CSMD1: variants seen among roughly 807,000 people sequenced by gnomAD.
CSMD1 encodes the protein CUB and Sushi multiple domains 1.
CSMD1 carries 213 observed loss-of-function variants against 417.5 expected under a neutral mutation model. The ratio of observed to expected loss-of-function variants is 0.51; its 90% CI spans 0.46 to 0.57. The LOEUF (loss-of-function observed/expected upper bound fraction) is 0.57, where lower values mean the gene tolerates loss of function less well. Ranked by LOEUF, CSMD1 falls within the 20% of genes least tolerant of loss-of-function variation. The pLI is 0.00. For missense variants in CSMD1, 6,923 were observed against 4,529.7 expected, an observed-to-expected ratio of 1.53 and a Z score of -15.17; for synonymous variants, 2,862 against 1,736.8, an observed-to-expected ratio of 1.65 and a Z score of -16.11.
At chr8:4,623,579 G>A (rs1801903076) in intron 2 of CSMD1, among the ~76,000 whole-genome samples, 2 of 151,836 alleles carry the variant, frequency 1.3e-5, no homozygotes, top group Non-Finnish European at 1.5e-5. Flanking sequence ...GGGTGAGGGG[G>A]GAACAAATGT....
chr8:3,941,655 C>A (rs79223048), intron 5 of CSMD1, among the ~76,000 whole-genome samples: 9,104 of 152,176 alleles, frequency 0.06, 328 homozygotes, highest in South Asian at 0.099. Flanking sequence ...TCTTTTTCAA[C>A]TGCAAGCCCA....
intron 3 of CSMD1, among the ~76,000 whole-genome samples, chr8:4,054,266 G>T (rs1476696238): frequency 1.6e-5 from 2 of 122,856 alleles, no homozygotes; most frequent in African/African-American, 6.2e-5. Flanking sequence ...GAGTTAAGAG[G>T]TGACGGGGAA....
intron 3 of CSMD1, among the ~76,000 whole-genome samples, chr8:4,279,909 C>T (rs1259454128): frequency 6.6e-6 from 1 of 152,136 alleles, no homozygotes; most frequent in Admixed American, 6.5e-5. Flanking sequence ...GTGTTCTATA[C>T]ATTTTTTATT....
At chr8:4,941,720 T>G (rs563912437) in intron 1 of CSMD1, among the ~76,000 whole-genome samples, 1 of 152,092 alleles carries the variant, frequency 6.6e-6, no homozygotes, top group East Asian at 1.9e-4. Flanking sequence ...CGCCTCAACC[T>G]CCTGAGTAGT....
At chr8:3,299,399 C>A (rs185109738) in intron 25 of CSMD1, among the ~76,000 whole-genome samples, 1 of 152,050 alleles carries the variant, frequency 6.6e-6, no homozygotes, top group Non-Finnish European at 1.5e-5. Flanking sequence ...TTGCAGTGAG[C>A]CAAGATCACG....
At chr8:4,440,756 G>A (rs1214944663) in intron 2 of CSMD1, among the ~76,000 whole-genome samples, 1 of 152,184 alleles carries the variant, frequency 6.6e-6, no homozygotes, top group East Asian at 1.9e-4. Context: ...AGCATTTTGG[G>A]AGGCCAGTGC....
intron 4 of CSMD1, among the ~76,000 whole-genome samples, chr8:4,024,459 T>A (rs770924796): frequency 2.0e-5 from 3 of 152,172 alleles, no homozygotes; most frequent in African/African-American, 7.2e-5. Context: ...TGATCTTCAA[T>A]GTTAGTAAAG....
chr8:3,998,172 G>A (rs948406530), intron 4 of CSMD1, 62 bp from the exon 5 acceptor site: 26 of 1,396,872 alleles, frequency 1.9e-5, no homozygotes, highest in African/African-American at 1.6e-4. Context: ...ACACGAGTGT[G>A]TCCACCAAGT....
At chr8:4,420,633 G>A (rs968724876) in intron 2 of CSMD1, among the ~76,000 whole-genome samples, 2 of 152,090 alleles carry the variant, frequency 1.3e-5, no homozygotes, top group African/African-American at 4.8e-5. Flanking sequence ...TGAGTTGGTC[G>A]TGAAACAATC....
At chr8:4,373,924 C>G (rs138278463) in intron 3 of CSMD1, among the ~76,000 whole-genome samples, 121 of 152,310 alleles carry the variant, frequency 7.9e-4, no homozygotes, top group African/African-American at 2.7e-3. Context: ...TCCCCTTTCT[C>G]TCTATACCTA....
chr8:3,488,807 A>C (rs1451076558), intron 11 of CSMD1, among the ~76,000 whole-genome samples: 1 of 152,214 alleles, frequency 6.6e-6, no homozygotes, highest in Non-Finnish European at 1.5e-5. Context: ...ATTCAGGCTC[A>C]AAGGCAGTGC....
chr8:4,492,212 C>A (rs1052874918), intron 2 of CSMD1, among the ~76,000 whole-genome samples: 5 of 152,176 alleles, frequency 3.3e-5, no homozygotes, highest in Admixed American at 2.6e-4. Context: ...ACCTCAGCCT[C>A]CTGAGCAGCT....
At chr8:4,738,897 G>C (rs1431309149) in intron 1 of CSMD1, among the ~76,000 whole-genome samples, 1 of 139,022 alleles carries the variant, frequency 7.2e-6, no homozygotes, top group African/African-American at 2.9e-5. Context: ...TTAAAATTCT[G>C]TGTGTTTGTG....
chr8:3,896,061 G>A (rs543738520), intron 5 of CSMD1, among the ~76,000 whole-genome samples: 120 of 152,342 alleles, frequency 7.9e-4, no homozygotes, highest in African/African-American at 2.7e-3. Context: ...CTGGACTCAT[G>A]TAGCTGCTGA....
At chr8:4,691,106 T>A (rs1806738820) in intron 1 of CSMD1, among the ~76,000 whole-genome samples, 2 of 152,184 alleles carry the variant, frequency 1.3e-5, no homozygotes, top group Non-Finnish European at 2.9e-5. Context: ...TTTCCCCATC[T>A]TTATGACAGA....
At chr8:3,921,521 G>C (rs1300215609) in intron 5 of CSMD1, among the ~76,000 whole-genome samples, 1 of 151,620 alleles carries the variant, frequency 6.6e-6, no homozygotes, top group Non-Finnish European at 1.5e-5. Flanking sequence ...TTTTCATGTA[G>C]GCCATCATTT....
intron 1 of CSMD1, among the ~76,000 whole-genome samples, chr8:4,711,459 G>C (rs914210338): frequency 6.6e-6 from 1 of 151,890 alleles, no homozygotes; most frequent in Non-Finnish European, 1.5e-5. Context: ...AGGTGTGAAA[G>C]TACCTTTTAT....
chr8:4,447,976 G>C (rs560724688), intron 2 of CSMD1, among the ~76,000 whole-genome samples: 2 of 152,238 alleles, frequency 1.3e-5, no homozygotes, highest in South Asian at 2.1e-4. Context: ...GTACCAAAAA[G>C]CCTCTTGGAA....
intron 6 of CSMD1, among the ~76,000 whole-genome samples, chr8:3,753,409 T>C (rs187172608): frequency 2.0e-5 from 3 of 152,298 alleles, no homozygotes; most frequent in East Asian, 3.9e-4. Flanking sequence ...CCAAGCTCTG[T>C]CCTAATGACT....
Sources: gnomAD v4.1 joint callset for allele counts (sites outside exome capture counted in the v4.1 genomes callset) on GRCh38, gnomAD v4.1.1 for gene constraint, MANE v1.5 for transcripts, NCBI Gene and HGNC (gene_info 2026-07-23, HGNC 2026-07-21) for gene names.